The following TENM2 variants were observed in gnomAD, a reference collection of about 807,000 sequenced individuals.
TENM2 encodes the protein teneurin transmembrane protein 2.
Under a neutral mutation model 245.2 loss-of-function variants are expected in TENM2, and 52 were observed. That is an observed-to-expected ratio of 0.21 (90% CI 0.17 to 0.27). TENM2 has a LOEUF of 0.27. Ranked by LOEUF, TENM2 falls within the 10% of genes least tolerant of loss-of-function variation. The pLI is 1.00. For synonymous variants in TENM2, 1,363 were observed against 1,438.9 expected (o/e 0.95, Z 1.19); for missense variants, 3,046 against 3,666.8 (o/e 0.83, Z 4.37).
intron 5 of TENM2, among the ~76,000 whole-genome samples, chr5:168,035,353 T>C (rs549877078): frequency 6.6e-6 from 1 of 152,132 alleles, no homozygotes; most frequent in Non-Finnish European, 1.5e-5. Context: ...AAAAATTGGC[T>C]AGACATGGTG....
At chr5:167,189,538 G>A in the TENM2 span, among the ~76,000 whole-genome samples, 5 of 99,666 alleles carry the variant, frequency 5.0e-5, no homozygotes, top group South Asian at 6.2e-4. Context: ...TCTTTCTTTC[G>A]TTCTCTCTTT....
At chr5:167,200,306 A>T in the TENM2 span, among the ~76,000 whole-genome samples, 3 of 152,012 alleles carry the variant, frequency 2.0e-5, no homozygotes, top group Admixed American at 2.0e-4. Flanking sequence ...TCCCAGCATG[A>T]GGGACCACTC....
At chr5:168,139,173 A>G (rs1237405899) in intron 12 of TENM2, among the ~76,000 whole-genome samples, 1 of 152,250 alleles carries the variant, frequency 6.6e-6, no homozygotes, top group Non-Finnish European at 1.5e-5. Context: ...GTCAAATATC[A>G]AACTGTATGG....
the TENM2 span, among the ~76,000 whole-genome samples, chr5:167,196,980 C>T: frequency 6.6e-6 from 1 of 151,934 alleles, no homozygotes; most frequent in East Asian, 1.9e-4. Context: ...ATGTCTGTAG[C>T]ATATCTTGCC....
chr5:167,807,453 C>A (rs1025830333), intron 2 of TENM2, among the ~76,000 whole-genome samples: 1 of 151,880 alleles, frequency 6.6e-6, no homozygotes, highest in Admixed American at 6.6e-5. Flanking sequence ...GGACATTGAC[C>A]AAGATATTTC....
intron 2 of TENM2, among the ~76,000 whole-genome samples, chr5:167,450,794 T>G (rs1208279081): frequency 6.6e-6 from 1 of 152,210 alleles, no homozygotes; most frequent in Non-Finnish European, 1.5e-5. Flanking sequence ...TTAGTTTTCA[T>G]GACTTTCACT....
At chr5:168,233,934 C>T (rs893539343) in intron 25 of TENM2, among the ~76,000 whole-genome samples, 2 of 152,118 alleles carry the variant, frequency 1.3e-5, no homozygotes, top group Non-Finnish European at 2.9e-5. Context: ...GATCGGCCCC[C>T]AGGATTCAAT....
chr5:167,551,288 C>G lies in TENM2; in HGVS notation c.502+175815C>G, dbSNP rs1301474174. Reference sequence around the variant, plus strand: ...TAGGCCCTGAGAATGAAGCGGTGAACAAGAAATACAAGATTGCTGTTGTCA... The same window carrying G: ...TAGGCCCTGAGAATGAAGCGGTGAAGAAGAAATACAAGATTGCTGTTGTCA... On this transcript the variant is annotated intron_variant, in intron 2 of 28. Coordinates refer to ENST00000518659, the Ensembl canonical transcript of TENM2. 2.6e-5 allele frequency among the ~76,000 whole-genome samples: 4 copies of G among 152,180 alleles called. No individual in the cohort carries two copies. The East Asian group carries it at 7.8e-4, about 30-fold the overall frequency.
chr5:167,802,026 T>C (rs1194560831), intron 2 of TENM2, among the ~76,000 whole-genome samples: 1 of 152,110 alleles, frequency 6.6e-6, no homozygotes, highest in Non-Finnish European at 1.5e-5. Flanking sequence ...TGATGAAGGC[T>C]CATTCCCCGT....
intron 2 of TENM2, among the ~76,000 whole-genome samples, chr5:167,668,191 A>T (rs1755696986): frequency 6.6e-6 from 1 of 152,232 alleles, no homozygotes; most frequent in South Asian, 2.1e-4. Context: ...TGCTTCGTTT[A>T]TTTAAGGATG....
At chr5:167,804,076 G>A (rs752684005) in intron 2 of TENM2, among the ~76,000 whole-genome samples, 2 of 151,984 alleles carry the variant, frequency 1.3e-5, no homozygotes, top group Admixed American at 6.6e-5. Flanking sequence ...TGTTTAATGG[G>A]TGTAATGCAA....
intron 7 of TENM2, among the ~76,000 whole-genome samples, chr5:168,067,974 G>A (rs540782475): frequency 9.8e-4 from 150 of 152,298 alleles, no homozygotes; most frequent in African/African-American, 3.5e-3. Context: ...AGCTCGAGCT[G>A]TAGAGAACGA....
At chr5:167,645,589 CTT>C (rs11299140) in intron 2 of TENM2, among the ~76,000 whole-genome samples, 17 of 136,316 alleles carry the variant, frequency 1.2e-4, no homozygotes, top group African/African-American at 4.0e-4. Flanking sequence ...CTAGTTTTTC[CTT>C]TTTTTTTTTT....
intron 2 of TENM2, among the ~76,000 whole-genome samples, chr5:167,537,852 C>T (rs1277670142): frequency 6.6e-6 from 1 of 152,166 alleles, no homozygotes; most frequent in African/African-American, 2.4e-5. Context: ...CCTGTAGATA[C>T]CAGCCAATTC....
At chr5:168,170,381 G>T (rs901896472) in intron 13 of TENM2, among the ~76,000 whole-genome samples, 1 of 152,100 alleles carries the variant, frequency 6.6e-6, no homozygotes, top group Non-Finnish European at 1.5e-5. Context: ...GCTCACACCT[G>T]TAGTCCCAGC....
intron 2 of TENM2, among the ~76,000 whole-genome samples, chr5:167,854,737 T>C (rs1770911036): frequency 1.3e-5 from 2 of 152,234 alleles, no homozygotes; most frequent in African/African-American, 4.8e-5. Flanking sequence ...GTAAATGCGG[T>C]AGGAAGGATG....
intron 2 of TENM2, among the ~76,000 whole-genome samples, chr5:167,797,228 G>A (rs530751783): frequency 5.3e-5 from 8 of 152,122 alleles, no homozygotes; most frequent in Non-Finnish European, 1.0e-4. Context: ...CCATCCCAAG[G>A]CCCTTCAGTC....
intron 2 of TENM2, among the ~76,000 whole-genome samples, chr5:167,562,538 G>T (rs1582395413): frequency 6.6e-6 from 1 of 152,294 alleles, no homozygotes; most frequent in African/African-American, 2.4e-5. Context: ...CACCTGAACT[G>T]AGAGCTGGAG....
At chr5:167,577,456 A>C (rs1282811707) in intron 2 of TENM2, among the ~76,000 whole-genome samples, 1 of 152,082 alleles carries the variant, frequency 6.6e-6, no homozygotes, top group Non-Finnish European at 1.5e-5. Context: ...ACACCTATTT[A>C]TTTCTCTTTT....
Sources: gnomAD v4.1 joint callset for allele counts (sites outside exome capture counted in the v4.1 genomes callset) on GRCh38, gnomAD v4.1.1 for gene constraint, MANE v1.5 for transcripts, NCBI Gene and HGNC (gene_info 2026-07-23, HGNC 2026-07-21) for gene names.